The following GABRB1 variants were observed in gnomAD, a reference collection of about 807,000 sequenced individuals.
GABRB1 encodes gamma-aminobutyric acid receptor subunit beta-1.
In GABRB1, 17 loss-of-function variants were observed where a neutral mutation model predicts 51.6. That is an observed-to-expected ratio of 0.33 (90% CI 0.23 to 0.49). The LOEUF is 0.49. GABRB1 is among the 20% of genes least tolerant of loss of function. The pLI, the probability that GABRB1 is intolerant of heterozygous loss-of-function variation, is 0.99. For synonymous variants in GABRB1, 247 were observed against 218.9 expected, an observed-to-expected ratio of 1.13 and a Z score of -1.14; for missense variants, 410 against 600.6, an observed-to-expected ratio of 0.68 and a Z score of 3.32.
At chr4:47,297,391 A>G (rs553131255) in intron 4 of GABRB1, among the ~76,000 whole-genome samples, 109 of 99,074 alleles carry the variant, frequency 1.1e-3, no homozygotes, top group Non-Finnish European at 2.2e-3. Context: ...AAGAGAGAAG[A>G]ATCAAATAGA....
intron 1 of GABRB1, among the ~76,000 whole-genome samples, chr4:47,017,052 A>G (rs768621351): frequency 2.6e-5 from 4 of 152,252 alleles, no homozygotes; most frequent in Admixed American, 6.5e-5. Flanking sequence ...GCAAAAATTA[A>G]TACTCTTCTT....
chr4:47,100,778 G>T (rs1490451865), intron 3 of GABRB1, among the ~76,000 whole-genome samples: 2 of 151,934 alleles, frequency 1.3e-5, no homozygotes, highest in African/African-American at 4.8e-5. Context: ...ACCCGTGAGA[G>T]GTCAACTCTA....
At chr4:47,160,482 A>G (rs1400747303) in intron 3 of GABRB1, among the ~76,000 whole-genome samples, 4 of 152,162 alleles carry the variant, frequency 2.6e-5, no homozygotes, top group African/African-American at 9.6e-5. Context: ...GTGTTCATTC[A>G]AAAGAATTTG....
intron 4 of GABRB1, among the ~76,000 whole-genome samples, chr4:47,307,713 T>A (rs1724520210): frequency 1.3e-5 from 2 of 152,120 alleles, no homozygotes; most frequent in East Asian, 1.9e-4. Flanking sequence ...TGCCTGATAT[T>A]TAATAAAATA....
At chr4:47,305,901 T>G (rs1560325393) in intron 4 of GABRB1, among the ~76,000 whole-genome samples, 1 of 152,124 alleles carries the variant, frequency 6.6e-6, no homozygotes, top group Non-Finnish European at 1.5e-5. Flanking sequence ...GGAGATATTT[T>G]GGGATATTTT....
At chr4:47,293,854 G>T (rs111571429) in intron 4 of GABRB1, among the ~76,000 whole-genome samples, 1 of 152,022 alleles carries the variant, frequency 6.6e-6, no homozygotes, top group Non-Finnish European at 1.5e-5. Flanking sequence ...AGAAAACTAG[G>T]GAGTGTAATA....
chr4:47,001,061 G>A lies in GABRB1; in HGVS notation c.-20+7135G>A, dbSNP rs77494812. 2.7e-4 allele frequency among the ~76,000 whole-genome samples: 41 copies of A among 152,278 alleles called. No individual in the cohort carries two copies. The East Asian group carries it at 7.5e-3, about 28-fold the overall frequency. On this transcript the variant is annotated intron_variant, in intron 1 of 3. Coordinates refer to the GABRB1 transcript ENST00000513567. ...AGCATTTTATAAGAATGGTGTGATG[G>A]TTAACTTTGTGTTAATTTGCCTGGA...
intron 4 of GABRB1, among the ~76,000 whole-genome samples, chr4:47,295,406 T>C (rs962775720): frequency 1.7e-4 from 26 of 152,204 alleles, no homozygotes; most frequent in African/African-American, 6.0e-4. Context: ...TACAGAGAAG[T>C]GCTTAAAGGA....
At chr4:47,072,400 T>G (rs980498933) in intron 3 of GABRB1, among the ~76,000 whole-genome samples, 6 of 152,196 alleles carry the variant, frequency 3.9e-5, no homozygotes, top group Admixed American at 6.6e-5. Flanking sequence ...GGTTATATAT[T>G]CAAGCCAAAC....
chr4:47,031,529 C>G (rs1009562044), upstream of GABRB1: 5 of 764,334 alleles, frequency 6.5e-6, no homozygotes, highest in Non-Finnish European at 1.2e-5. Flanking sequence ...CACAAGGTGT[C>G]TTTTGGTAGT....
chr4:47,238,736 T>G (rs1221554345), intron 4 of GABRB1, among the ~76,000 whole-genome samples: 1 of 152,162 alleles, frequency 6.6e-6, no homozygotes, highest in Non-Finnish European at 1.5e-5. Flanking sequence ...GTAAAAAAAA[T>G]TAATAGAATT....
At chr4:47,022,280 GT>G (rs1724947944) in intron 1 of GABRB1, among the ~76,000 whole-genome samples, 1 of 151,884 alleles carries the variant, frequency 6.6e-6, no homozygotes, top group Non-Finnish European at 1.5e-5. Flanking sequence ...AATGTTCTTA[GT>G]CCTTTTATGT....
chr4:47,322,547 A>C (rs1218627102), intron 5 of GABRB1, among the ~76,000 whole-genome samples: 2 of 152,226 alleles, frequency 1.3e-5, no homozygotes, highest in Non-Finnish European at 2.9e-5. Context: ...TTGAGGCTCA[A>C]AGAAGTAAAA....
intron 5 of GABRB1, among the ~76,000 whole-genome samples, chr4:47,377,198 C>T (rs1399247291): frequency 1.3e-5 from 2 of 152,140 alleles, no homozygotes; most frequent in African/African-American, 4.8e-5. Context: ...GGCTGGAGTG[C>T]AGTGGCACAA....
chr4:47,169,721 C>A (rs999237176), intron 4 of GABRB1, among the ~76,000 whole-genome samples: 1 of 152,056 alleles, frequency 6.6e-6, no homozygotes, highest in Admixed American at 6.6e-5. Context: ...AGGCTGGTCT[C>A]GAACTCTTAA....
At chr4:47,215,000 T>C (rs572849484) in intron 4 of GABRB1, among the ~76,000 whole-genome samples, 1 of 152,286 alleles carries the variant, frequency 6.6e-6, no homozygotes, top group East Asian at 1.9e-4. Flanking sequence ...AATTTTATAA[T>C]AGGTTTGTTG....
intron 4 of GABRB1, among the ~76,000 whole-genome samples, chr4:47,235,044 C>T (rs937562053): frequency 2.6e-5 from 4 of 152,148 alleles, no homozygotes; most frequent in Non-Finnish European, 4.4e-5. Context: ...ATATTTCGGC[C>T]TTTAAAATGC....
At chr4:47,331,170 A>C (rs184082989) in intron 5 of GABRB1, among the ~76,000 whole-genome samples, 1 of 152,106 alleles carries the variant, frequency 6.6e-6, no homozygotes, top group Admixed American at 6.6e-5. Context: ...TTTCACATTT[A>C]TGTTCATAGA....
chr4:47,361,460 T>C (rs1726802333), intron 5 of GABRB1, among the ~76,000 whole-genome samples: 1 of 151,282 alleles, frequency 6.6e-6, no homozygotes, highest in Non-Finnish European at 1.5e-5. Context: ...CCTGCAGGAG[T>C]TGAGGTTGTA....
Sources: gnomAD v4.1 joint callset for allele counts (sites outside exome capture counted in the v4.1 genomes callset) on GRCh38, gnomAD v4.1.1 for gene constraint, MANE v1.5 for transcripts, NCBI Gene and HGNC (gene_info 2026-07-23, HGNC 2026-07-21) for gene names.